CDC42: variants seen among roughly 807,000 people sequenced by gnomAD.
CDC42 encodes cell division cycle 42, also known as cell division control protein 42 homolog.
A neutral mutation model predicts 20.8 loss-of-function variants in CDC42; 1 was observed. The ratio of observed to expected loss-of-function variants is 0.05; its 90% CI spans 0.02 to 0.23. The LOEUF is 0.23. Among genes scored for constraint, CDC42 ranks in the 10% least tolerant of loss-of-function variants. The probability of loss-of-function intolerance (pLI) is 1.00; values close to 1 mark genes in which losing one functional copy is unlikely to be tolerated. For synonymous variants in CDC42, 72 were observed against 84.8 expected, an observed-to-expected ratio of 0.85 and a Z score of 0.83; for missense variants, 49 against 227.9, an observed-to-expected ratio of 0.21 and a Z score of 5.05.
chr1:22,093,997 T>A lies in CDC42; in HGVS notation c.*2480T>A, dbSNP rs993771616. Among the ~76,000 whole-genome samples the A allele has an allele frequency of 4.6e-5, 7 of 152,238 alleles. No individual in the cohort carries two copies. The highest frequency in any genetic ancestry group is 1.0e-4 in the Non-Finnish European group (7 of 68,036). On this transcript the variant is annotated 3_prime_UTR_variant, in exon 6 of 6. Transcript: ENST00000656825. ...AAGGATGATGGGGATTGATTGAAGC[T>A]AATGTTTTCTTAAATATTTTCAGAT...
intron 1 of CDC42, among the ~76,000 whole-genome samples, chr1:22,055,809 G>T (rs887287148): frequency 4.0e-5 from 6 of 150,858 alleles, no homozygotes; most frequent in Non-Finnish European, 8.8e-5. Context: ...GGAAGTAAAA[G>T]ACTAGTTGTG....
At chr1:22,064,143 T>C (rs1457208028) in intron 1 of CDC42, 2 of 152,104 alleles carry the variant, frequency 1.3e-5, no homozygotes, top group Non-Finnish European at 2.9e-5. Flanking sequence ...AGTATTTCCT[T>C]CTTTTTGGAT....
At chr1:22,077,885 C>T (rs935663809) in intron 1 of CDC42, among the ~76,000 whole-genome samples, 6 of 152,184 alleles carry the variant, frequency 3.9e-5, no homozygotes, top group South Asian at 2.1e-4. Context: ...CTGAGGCCAG[C>T]GATCACCCTG....
In CDC42 at chr1:22,101,282, G is replaced by A. The variant is rs1467056521; in HGVS notation, c.*9765G>A. ...GTTGAAGATCCAGGTTCTAGTTGAG[G>A]CACCAGAGTTTCCTTGGGCAAGTTG... On this transcript the variant is annotated 3_prime_UTR_variant, in exon 6 of 6. Coordinates refer to ENST00000656825, the MANE Select transcript of CDC42 (RefSeq NM_001791.4). 1 of 152,202 alleles carries A rather than the reference G, an allele frequency of 6.6e-6. No homozygotes were observed. Among genetic ancestry groups the A allele is most frequent in the Admixed American group, 6.5e-5 (1 of 15,274 alleles). 9.4% of individuals were successfully genotyped at this position (152,202 alleles called of 1,614,324 possible).
intron 3 of CDC42, among the ~76,000 whole-genome samples, chr1:22,085,908 C>CA: frequency 6.6e-6 from 1 of 152,134 alleles, no homozygotes; most frequent in South Asian, 2.1e-4. Context: ...TACAGTGATG[C>CA]CATCTCGGCT....
intron 1 of CDC42, chr1:22,068,553 G>A (rs1191541637): frequency 6.5e-6 from 1 of 152,676 alleles, no homozygotes; most frequent in Non-Finnish European, 1.5e-5. Flanking sequence ...TTTGTTCTTA[G>A]TATTCACCTG....
chr1:22,078,949 ATACC>A (rs1645579772), intron 2 of CDC42: 1 of 854,988 alleles, frequency 1.2e-6, no homozygotes, highest in Non-Finnish European at 1.5e-6. Context: ...GTCTCCTGGG[ATACC>A]ATTTGAGGTC....
At chr1:22,071,291 G>A (rs563691679) in intron 1 of CDC42, among the ~76,000 whole-genome samples, 59 of 152,020 alleles carry the variant, frequency 3.9e-4, no homozygotes, top group African/African-American at 1.3e-3. Context: ...TGATCCATCC[G>A]CCTCGGCCTC....
In CDC42 at chr1:22,098,926, T is replaced by G. The variant is rs1645773616; in HGVS notation, c.*7409T>G. Among the ~76,000 whole-genome samples, 1 of 152,106 alleles carries G rather than the reference T, an allele frequency of 6.6e-6. No homozygotes were observed. Among genetic ancestry groups the G allele is most frequent in the Non-Finnish European group, 1.5e-5 (1 of 68,006 alleles). On this transcript the variant is annotated 3_prime_UTR_variant, in exon 6 of 6. Coordinates refer to ENST00000656825, the MANE Select transcript of CDC42 (RefSeq NM_001791.4). ...GGTGTGTGACACCACGCCTGGCTCA[T>G]TTTTGCATTTTGTGTAGAGAGGGGG...
chr1:22,053,350 G>A (rs1645258898), intron 1 of CDC42: 1 of 151,842 alleles, frequency 6.6e-6, no homozygotes, highest in Non-Finnish European at 1.5e-5. Context: ...GGCGGTGCCT[G>A]TCCGAGCTCC....
rs747002932 is a variant in CDC42, at chr1:22,094,294, A to ATTTTTT, written c.*2793_*2798dup. Among the ~76,000 whole-genome samples the ATTTTTT allele has an allele frequency of 0.011, 438 of 38,270 alleles. 137 individuals carry two copies. Among genetic ancestry groups the ATTTTTT allele is most frequent in the African/African-American group, 0.048 (391 of 8,172 alleles). The allele number at this position is 38,270 out of a possible 152,430, so 25.1% of individuals were successfully genotyped here. A position where few individuals can be genotyped will look rare whatever the true frequency, so the allele number is the denominator to read the frequency against. ...GTTTTACTGAACATCCTAGAAATAG[A>ATTTTTT]TTTTTTTTTTTTTTTTTTTTTGAGA... On this transcript the variant is annotated 3_prime_UTR_variant, in exon 6 of 6. Coordinates refer to ENST00000656825, the MANE Select transcript of CDC42 (RefSeq NM_001791.4).
chr1:22,071,415 AGCAAACAAGAAGTTCT>A (rs1222959393), intron 1 of CDC42, among the ~76,000 whole-genome samples: 2 of 152,180 alleles, frequency 1.3e-5, no homozygotes, highest in Non-Finnish European at 2.9e-5. Context: ...GTGATATAGA[AGCAAACAAGAAGTTCT>A]GCAAACAAGA....
rs1010336196 is a variant in CDC42, at chr1:22,094,499, G to A, written c.*2982G>A. Among the ~76,000 whole-genome samples, 1 of 146,378 alleles carries A rather than the reference G, an allele frequency of 6.8e-6. No homozygotes were observed. Among genetic ancestry groups the A allele is most frequent in the African/African-American group, 2.7e-5 (1 of 37,626 alleles). Reference sequence around the variant, plus strand: ...TTTTTAGTAGAGACGGGGTTTCACCGTGTTAGCCAGAATGGTCTCGATCTC... The same window carrying A: ...TTTTTAGTAGAGACGGGGTTTCACCATGTTAGCCAGAATGGTCTCGATCTC... On this transcript the variant is annotated 3_prime_UTR_variant, in exon 6 of 6. Coordinates refer to ENST00000656825, the MANE Select transcript of CDC42 (RefSeq NM_001791.4).
intron 2 of CDC42, among the ~76,000 whole-genome samples, chr1:22,081,150 C>T (rs1458713436): frequency 2.0e-5 from 3 of 152,106 alleles, no homozygotes; most frequent in Admixed American, 1.3e-4. Flanking sequence ...GCCTGGATGA[C>T]GCAGTGAGAC....
chr1:22,069,429 G>C (rs1645459714), intron 1 of CDC42, among the ~76,000 whole-genome samples: 3 of 151,804 alleles, frequency 2.0e-5, no homozygotes, highest in Admixed American at 2.0e-4. Context: ...GCCCGCCTCA[G>C]CTTCCCAAAG....
rs1480924456 is a variant in CDC42 at position 22,091,791 on chromosome 1, GTGTTTTTTTTTT to G, written c.*276_*287del. 4 of 77,888 alleles carry G rather than the reference GTGTTTTTTTTTT, an allele frequency of 5.1e-5. No individual in the cohort carries two copies. The highest frequency in any genetic ancestry group is 8.9e-5 in the Non-Finnish European group (4 of 45,192). 4.8% of individuals were successfully genotyped at this position (77,888 alleles called of 1,614,324 possible). A position where few individuals can be genotyped will look rare whatever the true frequency, so the allele number is the denominator to read the frequency against. ...TCAAAAAAAAAATTTTTGTGTGTGT[GTGTTTTTTTTTT>G]TTTTTTTTTTGTTGTTTAAAAGCAA... On this transcript the variant is annotated 3_prime_UTR_variant, in exon 6 of 6. Coordinates refer to ENST00000656825, the MANE Select transcript of CDC42 (RefSeq NM_001791.4).
chr1:22,070,377 A>ATTT (rs1645471982), intron 1 of CDC42, among the ~76,000 whole-genome samples: 2 of 130,658 alleles, frequency 1.5e-5, no homozygotes, highest in African/African-American at 5.8e-5. Context: ...GTTTAAAGGT[A>ATTT]TTTTTACCTT....
chr1:22,078,643 A>G (rs1353091387), intron 2 of CDC42, 60 bp downstream of exon 2: 1 of 1,561,450 alleles, frequency 6.4e-7, no homozygotes, highest in Non-Finnish European at 8.7e-7. Context: ...TCCTTTTGAA[A>G]ACGCTTTCTC....
chr1:22,087,512 T>A (rs192511305), intron 5 of CDC42, among the ~76,000 whole-genome samples: 13 of 152,362 alleles, frequency 8.5e-5, no homozygotes, highest in Admixed American at 8.5e-4. Flanking sequence ...TTAGGGTATT[T>A]GGAATGGGAC....
Sources: allele counts gnomAD v4.1 joint callset (sites outside exome capture counted in the v4.1 genomes callset), GRCh38; gene constraint gnomAD v4.1.1; transcripts MANE v1.5; gene names NCBI Gene and HGNC (gene_info 2026-07-23, HGNC 2026-07-21).